Variants in USP47 observed in about 807,000 individuals in gnomAD.
USP47 encodes ubiquitin specific peptidase 47, also known as ubiquitin carboxyl-terminal hydrolase 47.
Under a neutral mutation model 165.1 loss-of-function variants are expected in USP47, and 35 were observed. The observed-to-expected ratio is 0.21, with a 90% CI of 0.16 to 0.28. The LOEUF (loss-of-function observed/expected upper bound fraction) is 0.28. Ranked by LOEUF, USP47 falls within the 10% of genes least tolerant of loss-of-function variation. The pLI is 1.00. For missense variants in USP47, 1,277 were observed against 1,607.4 expected (o/e 0.79, Z 3.52); for synonymous variants, 531 against 544.5 (o/e 0.98, Z 0.35).
chr11:11,904,852 G>C (rs1260146091), intron 7 of USP47, among the ~76,000 whole-genome samples: 1 of 152,062 alleles, frequency 6.6e-6, no homozygotes, highest in African/African-American at 2.4e-5. Context: ...CTATAAAATT[G>C]TGTTATGTAT....
In USP47 at chr11:11,926,005, G is replaced by GT. The variant is rs777772215; in HGVS notation, c.1386+3120dup. ...CTTTATCAATTGAAGCGATCCTGTG[G>GT]TTTTTTCATTCTGTTAATGTAGTGT... On this transcript the variant is annotated intron_variant, in intron 11 of 27. Coordinates refer to ENST00000527733, the MANE Select transcript of USP47 (RefSeq NM_001282659.2). 7.9e-5 allele frequency among the ~76,000 whole-genome samples: 12 copies of GT among 152,128 alleles called. No homozygotes were observed. In the South Asian group the frequency reaches 2.3e-3, roughly 29 times the overall value.
chr11:11,846,307 T>C (rs1564848187), intron 1 of USP47, among the ~76,000 whole-genome samples: 1 of 152,198 alleles, frequency 6.6e-6, no homozygotes, highest in Non-Finnish European at 1.5e-5. Context: ...TGCATATTAC[T>C]GTATTCTGCC....
intron 1 of USP47, 93 bp downstream of exon 1, chr11:11,842,317 G>A: frequency 1.4e-6 from 2 of 1,420,950 alleles, no homozygotes; most frequent in Non-Finnish European, 1.9e-6. Flanking sequence ...CCCGGCCGGG[G>A]TGCAGGCTCG....
chr11:11,902,970 G>A (rs2134452462), intron 6 of USP47, 110 bp downstream of exon 6: 2 of 1,194,274 alleles, frequency 1.7e-6, no homozygotes, highest in Admixed American at 2.8e-5. Context: ...ACCTTTCATT[G>A]CAAGTTTGTT....
chr11:11,918,639 A>G (rs1026759593), intron 8 of USP47, among the ~76,000 whole-genome samples: 1 of 152,054 alleles, frequency 6.6e-6, no homozygotes, highest in Non-Finnish European at 1.5e-5. Context: ...AAGTTGATGA[A>G]TATGAGTAAA....
At chr11:11,875,269 G>A (rs1850335830) in intron 1 of USP47, among the ~76,000 whole-genome samples, 1 of 152,000 alleles carries the variant, frequency 6.6e-6, no homozygotes, top group South Asian at 2.1e-4. Flanking sequence ...CTTATATTCT[G>A]TATGCTGATG....
chr11:11,859,484 G>A (rs956193368), intron 1 of USP47, among the ~76,000 whole-genome samples: 2 of 152,086 alleles, frequency 1.3e-5, no homozygotes, highest in Non-Finnish European at 2.9e-5. Context: ...TAAGGTATAA[G>A]GTTTGTCGCT....
chr11:11,896,545 A>G (rs1355332150), intron 4 of USP47, among the ~76,000 whole-genome samples: 1 of 152,230 alleles, frequency 6.6e-6, no homozygotes, highest in Non-Finnish European at 1.5e-5. Flanking sequence ...TATTATTAAT[A>G]ATCAGCTTAG....
chr11:11,859,244 A>G (rs1411900352), intron 1 of USP47, among the ~76,000 whole-genome samples: 2 of 152,190 alleles, frequency 1.3e-5, no homozygotes, highest in African/African-American at 4.8e-5. Context: ...TAAAAAGAGT[A>G]TCCTCAAAGA....
intron 1 of USP47, among the ~76,000 whole-genome samples, chr11:11,875,182 A>G (rs980844470): frequency 6.6e-6 from 1 of 152,166 alleles, no homozygotes; most frequent in African/African-American, 2.4e-5. Context: ...CGGTACCTTC[A>G]TAATTTTAAA....
At chr11:11,918,541 G>A (rs979040017) in intron 8 of USP47, among the ~76,000 whole-genome samples, 1 of 152,048 alleles carries the variant, frequency 6.6e-6, no homozygotes, top group African/African-American at 2.4e-5. Context: ...GCATGATGAG[G>A]TGTGAACCTA....
At chr11:11,915,034 A>G (rs1050137272) in intron 8 of USP47, among the ~76,000 whole-genome samples, 2 of 152,136 alleles carry the variant, frequency 1.3e-5, no homozygotes, top group Non-Finnish European at 2.9e-5. Context: ...GTGCACAAAT[A>G]TTTATTCCAT....
At chr11:11,906,959 A>T (rs1852613298) in intron 8 of USP47, among the ~76,000 whole-genome samples, 1 of 152,172 alleles carries the variant, frequency 6.6e-6, no homozygotes, top group African/African-American at 2.4e-5. Context: ...CTTATTTATT[A>T]AAGTATTTTT....
At chr11:11,908,834 A>C (rs935628091) in intron 8 of USP47, among the ~76,000 whole-genome samples, 1 of 152,196 alleles carries the variant, frequency 6.6e-6, no homozygotes, top group African/African-American at 2.4e-5. Flanking sequence ...CATTCTGTAT[A>C]TCTCAGATTG....
intron 1 of USP47, among the ~76,000 whole-genome samples, chr11:11,876,705 C>T (rs1850441352): frequency 6.6e-6 from 1 of 152,166 alleles, no homozygotes; most frequent in Non-Finnish European, 1.5e-5. Context: ...ATGTGGATTT[C>T]TAGGGCTTCC....
intron 1 of USP47, among the ~76,000 whole-genome samples, chr11:11,854,696 T>C (rs1848925978): frequency 6.8e-6 from 1 of 147,690 alleles, no homozygotes; most frequent in Non-Finnish European, 1.5e-5. Flanking sequence ...TTACAGCCTG[T>C]CAGCTACTTA....
chr11:11,875,123 T>C (rs866933558), intron 1 of USP47, among the ~76,000 whole-genome samples: 2 of 151,216 alleles, frequency 1.3e-5, no homozygotes, highest in Admixed American at 6.6e-5. Context: ...TGCAATAACA[T>C]TGAAAGGAAG....
At chr11:11,948,292 A>G (rs988624253) in intron 21 of USP47, 172 bp downstream of exon 21, 2 of 881,970 alleles carry the variant, frequency 2.3e-6, no homozygotes, top group Non-Finnish European at 3.4e-6. Flanking sequence ...TCATCTAACA[A>G]ACATTTGTGA....
chr11:11,945,870 G>A (rs544916293), intron 20 of USP47, among the ~76,000 whole-genome samples: 1 of 151,736 alleles, frequency 6.6e-6, no homozygotes, highest in South Asian at 2.1e-4. Context: ...AGAGGAGAGA[G>A]GCTGCAGTGA....
Sources: gnomAD v4.1 joint callset for allele counts (sites outside exome capture counted in the v4.1 genomes callset) on GRCh38, gnomAD v4.1.1 for gene constraint, MANE v1.5 for transcripts, NCBI Gene and HGNC (gene_info 2026-07-23, HGNC 2026-07-21) for gene names.